C12orf42: variants seen among roughly 807,000 people sequenced by gnomAD.
The protein encoded by C12orf42 is chromosome 12 open reading frame 42, also known as uncharacterized protein C12orf42.
A neutral mutation model predicts 21.6 loss-of-function variants in C12orf42; 25 were observed. The observed-to-expected ratio is 1.16, with a 90% confidence interval of 0.84 to 1.62. The LOEUF (loss-of-function observed/expected upper bound fraction) is 1.62. C12orf42 is among the 40% of genes most tolerant of loss of function. C12orf42 has a pLI of 0.00. For missense variants in C12orf42, 483 were observed against 459.3 expected, an observed-to-expected ratio of 1.05 and a Z score of -0.47; for synonymous variants, 174 against 175.0, an observed-to-expected ratio of 0.99 and a Z score of 0.05.
chr12:103,111,457 T>C, the C12orf42 span, among the ~76,000 whole-genome samples: 1 of 152,194 alleles, frequency 6.6e-6, no homozygotes, highest in Non-Finnish European at 1.5e-5. Flanking sequence ...CGGTCATTCA[T>C]TGATTCGATG....
the C12orf42 span, among the ~76,000 whole-genome samples, chr12:103,062,200 A>C: frequency 6.6e-6 from 1 of 151,178 alleles, no homozygotes; most frequent in South Asian, 2.1e-4. Flanking sequence ...GTCATTATTT[A>C]TTTATATATA....
chr12:103,523,378 T>C, the C12orf42 span, among the ~76,000 whole-genome samples: 1 of 152,124 alleles, frequency 6.6e-6, no homozygotes, highest in African/African-American at 2.4e-5. Flanking sequence ...TTTTGGCCAT[T>C]ATATGTCTTC....
chr12:103,148,588 G>T, the C12orf42 span, among the ~76,000 whole-genome samples: 2 of 152,088 alleles, frequency 1.3e-5, no homozygotes, highest in South Asian at 4.2e-4. Flanking sequence ...CCTAACTAAT[G>T]GATTTGCTAG....
At chr12:103,498,201 A>G (rs147203015), upstream of C12orf42, among the ~76,000 whole-genome samples, 118 of 152,380 alleles carry the variant, frequency 7.7e-4, no homozygotes, top group African/African-American at 2.7e-3. Flanking sequence ...AATAATCTCA[A>G]TATGACAAAG....
At chr12:103,146,567 A>AGAAAGAAT in the C12orf42 span, among the ~76,000 whole-genome samples, 3 of 140,336 alleles carry the variant, frequency 2.1e-5, no homozygotes, top group Admixed American at 2.1e-4. Flanking sequence ...AAGAAAAGAA[A>AGAAAGAAT]GAAAGAAAGA....
intron 10 of C12orf42, among the ~76,000 whole-genome samples, chr12:103,241,665 C>T (rs1269643270): frequency 6.6e-6 from 1 of 152,064 alleles, no homozygotes; most frequent in East Asian, 1.9e-4. Context: ...AAATGTCCTC[C>T]CAACCTTAAA....
At chr12:103,407,607 AATTG>A (rs1167600431) in intron 2 of C12orf42, among the ~76,000 whole-genome samples, 1 of 152,328 alleles carries the variant, frequency 6.6e-6, no homozygotes, top group East Asian at 1.9e-4. Flanking sequence ...TATGTGTGTT[AATTG>A]ATTGTTTCTG....
chr12:103,251,608 A>G (rs2034308439), intron 10 of C12orf42, among the ~76,000 whole-genome samples: 1 of 152,184 alleles, frequency 6.6e-6, no homozygotes, highest in African/African-American at 2.4e-5. Context: ...AGGAAGAGAA[A>G]CTTGACCATA....
the C12orf42 span, among the ~76,000 whole-genome samples, chr12:103,156,953 A>G: frequency 6.5e-3 from 989 of 152,190 alleles, 9 homozygotes; most frequent in African/African-American, 0.023. Context: ...ATGTGCCTTT[A>G]TAGTAGAATG....
At chr12:103,456,386 C>G (rs1280917079) in intron 2 of C12orf42, 2 of 152,138 alleles carry the variant, frequency 1.3e-5, no homozygotes, top group Non-Finnish European at 2.9e-5. Context: ...GATGTTGTCA[C>G]TTATGTCTCT....
chr12:103,549,129 T>A, the C12orf42 span: 1 of 152,240 alleles, frequency 6.6e-6, no homozygotes. Flanking sequence ...CTTTATGTGT[T>A]TTCATTTTTT....
chr12:103,423,904 T>C (rs1482407359), intron 2 of C12orf42, among the ~76,000 whole-genome samples: 1 of 152,230 alleles, frequency 6.6e-6, no homozygotes, highest in African/African-American at 2.4e-5. Flanking sequence ...AATTTATAAA[T>C]AAGCCATAAG....
At chr12:103,451,947 G>A (rs146440575) in intron 2 of C12orf42, among the ~76,000 whole-genome samples, 2 of 151,942 alleles carry the variant, frequency 1.3e-5, no homozygotes, top group African/African-American at 4.8e-5. Flanking sequence ...TTTCCATCAG[G>A]TGACTATGGC....
At chr12:103,378,546 C>T (rs2045902027) in intron 3 of C12orf42, among the ~76,000 whole-genome samples, 1 of 152,138 alleles carries the variant, frequency 6.6e-6, no homozygotes, top group African/African-American at 2.4e-5. Flanking sequence ...ACCTCAGACA[C>T]ATTCAGCCTG....
At chr12:103,507,569 C>G in the C12orf42 span, among the ~76,000 whole-genome samples, 7 of 150,084 alleles carry the variant, frequency 4.7e-5, no homozygotes, top group African/African-American at 1.7e-4. Context: ...TTCCAAGCTA[C>G]TTAGGAGGCT....
chr12:103,114,473 A>G, the C12orf42 span, among the ~76,000 whole-genome samples: 2 of 152,168 alleles, frequency 1.3e-5, no homozygotes, highest in Non-Finnish European at 2.9e-5. Context: ...TCCACTCCAG[A>G]CCTGCAGACT....
the C12orf42 span, among the ~76,000 whole-genome samples, chr12:103,053,997 A>G: frequency 9.2e-5 from 14 of 151,966 alleles, no homozygotes; most frequent in East Asian, 2.5e-3. Context: ...TACTGCACCT[A>G]TGTAATGCCT....
chr12:103,124,491 T>G, the C12orf42 span, among the ~76,000 whole-genome samples: 1 of 152,276 alleles, frequency 6.6e-6, no homozygotes, highest in Non-Finnish European at 1.5e-5. Flanking sequence ...GAGATCCTTG[T>G]TCACATGATA....
At chr12:103,555,383 C>A in the C12orf42 span, among the ~76,000 whole-genome samples, 2 of 152,040 alleles carry the variant, frequency 1.3e-5, no homozygotes, top group Non-Finnish European at 2.9e-5. Context: ...TTCACTATCA[C>A]GAGAACAGCA....
Sources: gnomAD v4.1 joint callset for allele counts (sites outside exome capture counted in the v4.1 genomes callset) on GRCh38, gnomAD v4.1.1 for gene constraint, MANE v1.5 for transcripts, NCBI Gene and HGNC (gene_info 2026-07-23, HGNC 2026-07-21) for gene names.